Variants in GPN2 observed in about 807,000 individuals in gnomAD.
GPN2 encodes ATP-binding domain 1 family member B.
Under a neutral mutation model 30.1 loss-of-function variants are expected in GPN2, and 27 were observed. The observed-to-expected ratio is 0.90, with a 90% confidence interval of 0.66 to 1.24. The LOEUF (loss-of-function observed/expected upper bound fraction) is 1.24. Ranked by LOEUF, GPN2 falls within the 50% of genes most tolerant of loss-of-function variation. The pLI is 0.00. For missense variants in GPN2, 406 were observed against 405.4 expected, an observed-to-expected ratio of 1.00 and a Z score of -0.01; for synonymous variants, 212 against 174.4, an observed-to-expected ratio of 1.22 and a Z score of -1.70.
In GPN2 at chr1:26,884,225, G is replaced by A. The variant is rs764078077; in HGVS notation, c.795C>T (p.Ala265=). The A allele has an allele frequency of 1.2e-6, 2 of 1,613,954 alleles. No homozygotes were observed. Among genetic ancestry groups the A allele is most frequent in the Admixed American group, 3.3e-5 (2 of 59,992 alleles). ...TGGCTTCCAAGCTTCGCTGCTCTTG[G>A]GCTCTGAAACAGTATCCATTGGCTT... The part of the protein sequence containing the change: ...VDKANGYCFR[A]QEQRSLEAMM... The change falls in exon 4 of 5, where the codon GCC becomes GCT. Residue 265 remains alanine, a synonymous_variant. Transcript: ENST00000374135.
intron 2 of GPN2, 94 bp downstream of exon 2, chr1:26,888,875 G>A (rs928163772): frequency 2.1e-5 from 26 of 1,257,828 alleles, no homozygotes; most frequent in South Asian, 1.3e-4. Context: ...ACCAGACCAC[G>A]CAAGGCACCA....
chr1:26,888,904 T>G, intron 2 of GPN2, 65 bp downstream of exon 2: 293 of 1,524,930 alleles, frequency 1.9e-4, no homozygotes, highest in Non-Finnish European at 2.5e-4. Flanking sequence ...TACCTTCAGC[T>G]GAGATGTCTG....
intron 3 of GPN2, among the ~76,000 whole-genome samples, chr1:26,885,147 T>C (rs1285578212): frequency 6.6e-6 from 1 of 152,164 alleles, no homozygotes; most frequent in Non-Finnish European, 1.5e-5. Context: ...GTAATTGTTG[T>C]GATTGATATT....
intron 4 of GPN2, 86 bp downstream of exon 4, chr1:26,884,074 C>T (rs1447743645): frequency 8.1e-6 from 8 of 992,028 alleles, no homozygotes; most frequent in African/African-American, 4.9e-5. Flanking sequence ...TGGTCATCCA[C>T]AAGGTTGATG....
At chr1:26,886,619 C>A in intron 2 of GPN2, 2 of 365,108 alleles carry the variant, frequency 5.5e-6, no homozygotes, top group Admixed American at 6.9e-5. Context: ...GAGATCGAGA[C>A]CATCCTGGCT....
rs1210624520 is a variant in GPN2 at position 26,889,851 on chromosome 1, G to C, written c.246C>G (p.Leu82=). ...TGGCTTCCAGGTACTCCATGCAGTA[G>C]AGCAGGCCGCCGTTGGGCCCCAGGC... The part of the protein sequence containing the change: ...ALRLGPNGGL[L]YCMEYLEANL... Residue 82 remains leucine (L), a synonymous_variant, in exon 1 of 5, where the codon CTC becomes CTG. Coordinates refer to ENST00000374135, the MANE Select transcript of GPN2 (RefSeq NM_018066.4). The C allele has an allele frequency of 3.1e-6, 5 of 1,613,030 alleles. No individual in the cohort carries two copies. Among genetic ancestry groups the C allele is most frequent in the East Asian group, 2.2e-5 (1 of 44,896 alleles).
intron 2 of GPN2, among the ~76,000 whole-genome samples, chr1:26,886,981 G>A (rs1265152385): frequency 4.1e-5 from 5 of 120,908 alleles, no homozygotes; most frequent in African/African-American, 6.5e-5. Context: ...CAACAAGAGC[G>A]AAACTCTGTC....
At position 26,890,225 on chromosome 1, in the gene GPN2, G is replaced by C; in HGVS notation, c.-129C>G. 2 of 802,534 alleles carry C rather than the reference G, an allele frequency of 2.5e-6. No homozygotes were observed. The highest frequency in any genetic ancestry group is 3.8e-6 in the Non-Finnish European group (2 of 527,546). The allele number at this position is 802,534 out of a possible 1,614,324, so 49.7% of individuals were successfully genotyped here. A position where few individuals can be genotyped will look rare whatever the true frequency, so the allele number is the denominator to read the frequency against. ...TGGCGGCCAGCGTCACTCGCCTCAG[G>C]CGGAACAGCTGAGACCGTGTCGCGC... is the stretch of plus-strand genomic sequence containing the variant. On this transcript the variant is annotated 5_prime_UTR_variant, in exon 1 of 5. Transcript: ENST00000374135.
chr1:26,886,928 G>A (rs2124002586), intron 2 of GPN2, among the ~76,000 whole-genome samples: 1 of 150,346 alleles, frequency 6.7e-6, no homozygotes, highest in East Asian at 2.0e-4. Flanking sequence ...AGGAGGCGGA[G>A]GATGCAGTGA....
At chr1:26,882,806 C>T (rs1405651710) in intron 4 of GPN2, among the ~76,000 whole-genome samples, 1 of 152,182 alleles carries the variant, frequency 6.6e-6, no homozygotes, top group Non-Finnish European at 1.5e-5. Context: ...TCTGGATGTC[C>T]CATGGACCCC....
In GPN2 at chr1:26,886,065, G is replaced by T. The variant is rs1257273340; in HGVS notation, c.637C>A (p.Pro213Thr). ...SYLLDHLASD[P>T]FFRHYRQLNE... ...AGCTGGCGGTAGTGGCGGAAGAAAGGGTCAGAAGCCAGGTGGTCAAGCAGG... is the reference window on the plus strand; with the variant it reads ...AGCTGGCGGTAGTGGCGGAAGAAAGTGTCAGAAGCCAGGTGGTCAAGCAGG... The change falls in exon 3 of 5, where the codon CCT becomes ACT. Residue 213 changes from proline (P) to threonine (T), a missense_variant. Coordinates refer to ENST00000374135, the MANE Select transcript of GPN2 (RefSeq NM_018066.4). 3.7e-6 allele frequency: 6 copies of T among 1,613,092 alleles called. No homozygotes were observed. The highest frequency in any genetic ancestry group is 5.1e-6 in the Non-Finnish European group (6 of 1,179,184).
In GPN2 at chr1:26,888,979, A is replaced by G. The variant is rs776394930; in HGVS notation, c.558T>C (p.Tyr186=). The G allele has an allele frequency of 1.9e-6, 3 of 1,614,064 alleles. No individual in the cohort carries two copies. The highest frequency in any genetic ancestry group is 2.7e-5 in the African/African-American group (2 of 74,932). Residue 186 remains tyrosine, a synonymous_variant, in exon 2 of 5, where the codon TAT becomes TAC. Coordinates refer to ENST00000374135, the MANE Select transcript of GPN2 (RefSeq NM_018066.4). ...LLSKMDLIEH[Y]GKLAFNLDYY... is the part of the protein sequence containing the mutation. ...AACAGAAGCTCTTACCCAGCTTCCC[A>G]TAATGCTCAATGAGGTCCATCTTGG...
rs1438959230 is a variant in GPN2, at chr1:26,879,553, T to C, written c.*124A>G. On this transcript the variant is annotated 3_prime_UTR_variant, in exon 5 of 5. Coordinates refer to ENST00000374135, the MANE Select transcript of GPN2 (RefSeq NM_018066.4). Reference sequence around the variant, plus strand: ...CAGAAGTCCTTTGCAGAGCTGAATATCCCCTTGCCAGCCCGCCAGCTCTGG... The same window carrying C: ...CAGAAGTCCTTTGCAGAGCTGAATACCCCCTTGCCAGCCCGCCAGCTCTGG... The C allele has an allele frequency of 5.5e-6, 4 of 724,892 alleles. No individual in the cohort carries two copies. Among genetic ancestry groups the C allele is most frequent in the African/African-American group, 1.7e-5 (1 of 57,256 alleles). The allele number at this position is 724,892 out of a possible 1,614,324, so 44.9% of individuals were successfully genotyped here.
At position 26,890,265 on chromosome 1, in the gene GPN2, G is replaced by A; in HGVS notation, c.-169C>T. The A allele has an allele frequency of 1.7e-6, 1 of 602,768 alleles. No homozygotes were observed. The highest frequency in any genetic ancestry group is 2.8e-6 in the Non-Finnish European group (1 of 358,040). 37.3% of individuals were successfully genotyped at this position (602,768 alleles called of 1,614,324 possible). ...CCGTGTCGCGCAAAAGGAGATAACA[G>A]GCCGATACTAACTAGACTAACTCGA... On this transcript the variant is annotated 5_prime_UTR_variant, in exon 1 of 5. Transcript: ENST00000374135.
At chr1:26,888,860 C>T (rs1570695045) in intron 2 of GPN2, 109 bp downstream of exon 2, 3 of 1,045,304 alleles carry the variant, frequency 2.9e-6, no homozygotes, top group Non-Finnish European at 2.9e-6. Context: ...CCTGTGGCTA[C>T]TATCACCAGA....
intron 4 of GPN2, 118 bp from the exon 5 acceptor site, chr1:26,879,867 A>C (rs139257294): frequency 1.4e-6 from 1 of 707,728 alleles, no homozygotes; most frequent in Non-Finnish European, 2.6e-6. Flanking sequence ...TCTTCCTCAT[A>C]ATTATAGGGA....
Position 26,886,012 on chromosome 1 carries a change from T to C in GPN2, c.690A>G (p.Glu230=), listed in dbSNP as rs759127784. ...QLNEKLVQLI[E]DYSLVSFIPL... ...GGATAAAGGAGACAAGGCTATAGTC[T>C]TCGATGAGCTGCACTAGCTTCTCAT... Residue 230 remains glutamate, a synonymous_variant, in exon 3 of 5, where the codon GAA becomes GAG. Coordinates refer to ENST00000374135, the MANE Select transcript of GPN2 (RefSeq NM_018066.4). 1 of 1,613,570 alleles carries C rather than the reference T, an allele frequency of 6.2e-7. No individual in the cohort carries two copies. Among genetic ancestry groups the C allele is most frequent in the South Asian group, 1.1e-5 (1 of 91,058 alleles).
intron 2 of GPN2, chr1:26,886,464 G>A (rs1221150764): frequency 2.2e-6 from 1 of 460,044 alleles, no homozygotes; most frequent in Non-Finnish European, 4.3e-6. Flanking sequence ...GGGAAGCCGA[G>A]GTGGGTGATT....
rs2081835674 is a variant in GPN2, at chr1:26,876,173, C to T, written c.*3504G>A. 1 of 151,548 alleles carries T rather than the reference C, an allele frequency of 6.6e-6. No homozygotes were observed. Among genetic ancestry groups the T allele is most frequent in the Non-Finnish European group, 1.5e-5 (1 of 67,922 alleles). The allele number at this position is 151,548 out of a possible 1,614,324, so 9.4% of individuals were successfully genotyped here. On this transcript the variant is annotated 3_prime_UTR_variant, in exon 5 of 5. Coordinates refer to ENST00000374135, the MANE Select transcript of GPN2 (RefSeq NM_018066.4). ...ATTTATTTTTCTCTTAAACAGATGA[C>T]CCCATAGAAAGTTTCCGTTATGGGA...
Sources: gnomAD v4.1 joint callset for allele counts (sites outside exome capture counted in the v4.1 genomes callset) on GRCh38, gnomAD v4.1.1 for gene constraint, MANE v1.5 for transcripts, NCBI Gene and HGNC (gene_info 2026-07-23, HGNC 2026-07-21) for gene names.